Variants in LRRC18 observed in about 807,000 individuals in gnomAD.
The protein encoded by LRRC18 is leucine rich repeat containing 18.
Under a neutral mutation model 11.2 loss-of-function variants are expected in LRRC18, and 12 were observed. That is an observed-to-expected ratio of 1.07 (90% CI 0.69 to 1.74). The LOEUF is 1.74. Among genes scored for constraint, LRRC18 ranks in the 40% most tolerant of loss-of-function variants. The pLI is 0.00. For synonymous variants in LRRC18, 155 were observed against 130.6 expected (o/e 1.19, Z -1.27); for missense variants, 374 against 330.5 (o/e 1.13, Z -1.02).
chr10:48,925,765 G>A, the LRRC18 span, among the ~76,000 whole-genome samples: 1 of 152,114 alleles, frequency 6.6e-6, no homozygotes, highest in Admixed American at 6.6e-5. Context: ...GGACTCCACA[G>A]TTTGGGGGGA....
At chr10:48,928,696 G>A in the LRRC18 span, among the ~76,000 whole-genome samples, 2 of 152,196 alleles carry the variant, frequency 1.3e-5, no homozygotes, top group Non-Finnish European at 2.9e-5. Context: ...AGGGCCCACT[G>A]GCGACAGCCC....
the LRRC18 span, among the ~76,000 whole-genome samples, chr10:48,935,595 C>T: frequency 6.6e-6 from 1 of 152,144 alleles, no homozygotes; most frequent in African/African-American, 2.4e-5. Flanking sequence ...TTTTTTTCTG[C>T]TCTTTGGTTT....
At chr10:48,923,656 A>C in the LRRC18 span, among the ~76,000 whole-genome samples, 1 of 151,788 alleles carries the variant, frequency 6.6e-6, no homozygotes, top group Non-Finnish European at 1.5e-5. Context: ...GTATGAGCAT[A>C]TTGAGTGCCT....
the LRRC18 span, among the ~76,000 whole-genome samples, chr10:48,932,774 T>C: frequency 1.3e-5 from 2 of 151,476 alleles, no homozygotes; most frequent in Non-Finnish European, 2.9e-5. Context: ...GGCATATCGG[T>C]GGGGACGTTG....
chr10:48,909,633 G>A (rs1837827464), exon 2 of LRRC18: 2 of 152,354 alleles, frequency 1.3e-5, no homozygotes, highest in African/African-American at 4.8e-5. Context: ...GAGGAAGAGA[G>A]AGAGAGGAGA....
the LRRC18 span, among the ~76,000 whole-genome samples, chr10:48,939,513 C>T: frequency 2.6e-5 from 4 of 152,320 alleles, no homozygotes; most frequent in East Asian, 7.7e-4. Flanking sequence ...GGCTGCCTCC[C>T]ACGGATCTCA....
exon 1 of LRRC18, chr10:48,913,591 T>G (rs372297520): frequency 3.3e-5 from 54 of 1,614,060 alleles, no homozygotes; most frequent in Non-Finnish European, 4.2e-5. Context: ...ATGGAGTCTA[T>G]GAATATTTCC....
At chr10:48,923,506 A>ATATATATGTATGTATG in the LRRC18 span, among the ~76,000 whole-genome samples, 28 of 115,110 alleles carry the variant, frequency 2.4e-4, 6 homozygotes, top group East Asian at 1.6e-3. Flanking sequence ...GTATATATAT[A>ATATATATGTATGTATG]TATATATGTC....
At chr10:48,913,461 G>A (rs368328657) in exon 1 of LRRC18, 21 of 1,613,496 alleles carry the variant, frequency 1.3e-5, no homozygotes, top group African/African-American at 8.0e-5. Flanking sequence ...GGTCTTTCTC[G>A]GTGTCGTCGT....
the LRRC18 span, chr10:48,932,453 G>A: frequency 6.6e-6 from 1 of 152,110 alleles, no homozygotes; most frequent in East Asian, 1.9e-4. Context: ...TGTAATAATA[G>A]CTACTTACAG....
the LRRC18 span, among the ~76,000 whole-genome samples, chr10:48,923,506 A>ATATATGTATG: frequency 7.8e-5 from 9 of 115,114 alleles, 1 homozygote; most frequent in South Asian, 3.4e-4. Flanking sequence ...GTATATATAT[A>ATATATGTATG]TATATATGTC....
chr10:48,910,739 T>C (rs755283129), intron 1 of LRRC18: 3 of 165,216 alleles, frequency 1.8e-5, no homozygotes, highest in African/African-American at 7.2e-5. Context: ...AGGCAAAGCA[T>C]GATAAAGCCC....
the LRRC18 span, among the ~76,000 whole-genome samples, chr10:48,932,811 G>A: frequency 6.4e-4 from 97 of 152,218 alleles, no homozygotes; most frequent in African/African-American, 2.3e-3. Flanking sequence ...TGGGTGGGGA[G>A]GTCCTTTCTG....
chr10:48,913,985 A>G lies in LRRC18; in HGVS notation c.171T>C (p.Leu57=), dbSNP rs1340434349. Residue 57 remains leucine, a synonymous_variant, in exon 1 of 2, where the codon CTT becomes CTC. Transcript: ENST00000374160. Reference sequence around the variant, plus strand: ...GGATCTTCCTGATAAGATTCCGGCTAAGGTCCAGCTCGTCCATGTCACTAA... The same window carrying G: ...GGATCTTCCTGATAAGATTCCGGCTGAGGTCCAGCTCGTCCATGTCACTAA... 3 of 1,614,040 alleles carry G rather than the reference A, an allele frequency of 1.9e-6. No individual in the cohort carries two copies. The African/African-American group carries it at 4.0e-5, about 22-fold the overall frequency.
the LRRC18 span, among the ~76,000 whole-genome samples, chr10:48,928,199 T>C: frequency 6.6e-5 from 10 of 152,098 alleles, no homozygotes; most frequent in African/African-American, 2.4e-4. Context: ...CTGTAGTGGG[T>C]GTGCCCAGCC....
the LRRC18 span, among the ~76,000 whole-genome samples, chr10:48,939,599 G>A: frequency 6.6e-6 from 1 of 152,186 alleles, no homozygotes; most frequent in Non-Finnish European, 1.5e-5. Flanking sequence ...GATGGATGAT[G>A]GATGATGCGG....
the LRRC18 span, among the ~76,000 whole-genome samples, chr10:48,927,791 G>C: frequency 6.6e-6 from 1 of 152,166 alleles, no homozygotes. Flanking sequence ...AAAAGATTAT[G>C]CTTTCTTATT....
the LRRC18 span, among the ~76,000 whole-genome samples, chr10:48,924,657 GTTTGAC>G: frequency 6.6e-6 from 1 of 152,166 alleles, no homozygotes; most frequent in African/African-American, 2.4e-5. Context: ...GGCCCAGTTG[GTTTGAC>G]TTTAATTTCT....
At chr10:48,929,437 G>C in the LRRC18 span, among the ~76,000 whole-genome samples, 1 of 152,164 alleles carries the variant, frequency 6.6e-6, no homozygotes, top group Non-Finnish European at 1.5e-5. Flanking sequence ...GTGGGCATCA[G>C]GGGGCAGTGG....
Sources: gnomAD v4.1 joint callset for allele counts (sites outside exome capture counted in the v4.1 genomes callset) on GRCh38, gnomAD v4.1.1 for gene constraint, MANE v1.5 for transcripts, NCBI Gene and HGNC (gene_info 2026-07-23, HGNC 2026-07-21) for gene names.